The following ATMIN variants were observed in gnomAD, a reference collection of about 807,000 sequenced individuals.
ATMIN encodes the protein ATM INteracting protein.
A neutral mutation model predicts 49.2 loss-of-function variants in ATMIN; 24 were observed. The observed-to-expected ratio is 0.49, with a 90% CI of 0.35 to 0.69. The LOEUF (loss-of-function observed/expected upper bound fraction) is 0.69. Ranked by LOEUF, ATMIN falls within the 30% of genes least tolerant of loss-of-function variation. The pLI is 0.00. For synonymous variants in ATMIN, 450 were observed against 392.5 expected (o/e 1.15, Z -1.73); for missense variants, 1,037 against 1,005.5 (o/e 1.03, Z -0.42).
At position 81,042,326 on chromosome 16, in the gene ATMIN, T is replaced by A; in HGVS notation, c.508T>A (p.Cys170Ser). 1 of 1,614,052 alleles carries A rather than the reference T, an allele frequency of 6.2e-7. No homozygotes were observed. The highest frequency in any genetic ancestry group is 8.5e-7 in the Non-Finnish European group (1 of 1,180,018). Residue 170 changes from cysteine (C) to serine (S), a missense_variant, in exon 3 of 4, where the codon TGC becomes AGC. Physicochemically the swap from Cys to Ser is moderately radical, Grantham distance 112. Transcript: ENST00000299575. ...HAEKKHKCSKCSNSYGTEWDL... is the reference protein window; with the variant it reads ...HAEKKHKCSKSSNSYGTEWDL... The stretch of plus-strand genomic sequence containing the variant: ...TGAGAAGAAGCACAAATGTAGTAAG[T>A]GCAGCAATTCGTACGGTACAGAATG...
chr16:81,041,209 T>C, intron 1 of ATMIN, 147 bp from the exon 2 acceptor site: 1 of 845,772 alleles, frequency 1.2e-6, no homozygotes, highest in Non-Finnish European at 1.8e-6. Flanking sequence ...ACTCATACTC[T>C]TTTTCTCTTA....
chr16:81,036,618 G>A (rs949633106), intron 1 of ATMIN, among the ~76,000 whole-genome samples: 3 of 152,172 alleles, frequency 2.0e-5, no homozygotes, highest in Admixed American at 6.5e-5. Context: ...GCTTTAAACC[G>A]GGGCCTCTGG....
chr16:81,046,689 CACG>C lies in ATMIN; in HGVS notation c.*1722_*1724del, dbSNP rs1971127746. ...ACACACACACACACACACACACACA[CACG>C]ACATGCTCCTTTCTGTGGCACATGC... On this transcript the variant is annotated 3_prime_UTR_variant, in exon 4 of 4. Coordinates refer to ENST00000299575, the MANE Select transcript of ATMIN (RefSeq NM_015251.3). The C allele has an allele frequency of 6.6e-6, 1 of 151,784 alleles. No individual in the cohort carries two copies. The highest frequency in any genetic ancestry group is 2.4e-5 in the African/African-American group (1 of 41,238). The allele number at this position is 151,784 out of a possible 1,614,324, so 9.4% of individuals were successfully genotyped here.
intron 1 of ATMIN, chr16:81,037,418 G>A: frequency 1.7e-5 from 17 of 985,368 alleles, no homozygotes; most frequent in Non-Finnish European, 1.8e-5. Flanking sequence ...CATCTAAACC[G>A]GGATGCAACA....
chr16:81,045,146 G>C lies in ATMIN; in HGVS notation c.*176G>C, dbSNP rs1971097963. Reference sequence around the variant, plus strand: ...AACAGAAATTTGCGTATAAATGTGAGTGTATTATAAAGTTTGAGATGTTGA... The same window carrying C: ...AACAGAAATTTGCGTATAAATGTGACTGTATTATAAAGTTTGAGATGTTGA... On this transcript the variant is annotated 3_prime_UTR_variant, in exon 4 of 4. Transcript: ENST00000299575. 3 of 827,240 alleles carry C rather than the reference G, an allele frequency of 3.6e-6. No individual in the cohort carries two copies. The highest frequency in any genetic ancestry group is 5.4e-6 in the Non-Finnish European group (3 of 558,084). 51.2% of individuals were successfully genotyped at this position (827,240 alleles called of 1,614,324 possible).
chr16:81,042,605 A>G (rs1399266154), intron 3 of ATMIN, 125 bp downstream of exon 3: 1 of 1,046,158 alleles, frequency 9.6e-7, no homozygotes, highest in African/African-American at 1.6e-5. Context: ...ACGTGGAAGA[A>G]GGAAGCTTTT....
At position 81,045,227 on chromosome 16, in the gene ATMIN, TTA is replaced by T; in HGVS notation, c.*258_*259del. ...CCTTTTCACAGCTAGTCTTTTCATG[TTA>T]AAAAAAAAAATGTATTTCATATCTA... On this transcript the variant is annotated 3_prime_UTR_variant, in exon 4 of 4. Coordinates refer to ENST00000299575, the MANE Select transcript of ATMIN (RefSeq NM_015251.3). 2 of 349,628 alleles carry T rather than the reference TTA, an allele frequency of 5.7e-6. No homozygotes were observed. Among genetic ancestry groups the T allele is most frequent in the Non-Finnish European group, 9.5e-6 (2 of 209,632 alleles). 21.7% of individuals were successfully genotyped at this position (349,628 alleles called of 1,614,324 possible). A position where few individuals can be genotyped will look rare whatever the true frequency, so the allele number is the denominator to read the frequency against.
Position 81,044,496 on chromosome 16 carries a change from G to A in ATMIN, c.1998G>A (p.Glu666=). 1 of 1,614,140 alleles carries A rather than the reference G, an allele frequency of 6.2e-7. No individual in the cohort carries two copies. Among genetic ancestry groups the A allele is most frequent in the East Asian group, 2.2e-5 (1 of 44,866 alleles). Reference sequence around the variant, plus strand: ...CCATGACCACCGAGCCAGTCTTGGAGTCACTGGACATAGAGACTCAAACGG... The same window carrying A: ...CCATGACCACCGAGCCAGTCTTGGAATCACTGGACATAGAGACTCAAACGG... ...LSTMTTEPVL[E]SLDIETQTDF... Residue 666 remains glutamate, a synonymous_variant, in exon 4 of 4, where the codon GAG becomes GAA. Transcript: ENST00000299575.
At chr16:81,037,084 TC>T in intron 1 of ATMIN, 1 of 718,978 alleles carries the variant, frequency 1.4e-6, no homozygotes, top group South Asian at 6.3e-5. Flanking sequence ...TTGGGACACA[TC>T]TGTGACAAGC....
At chr16:81,041,607 C>T in intron 2 of ATMIN, 126 bp downstream of exon 2, 1 of 1,275,498 alleles carries the variant, frequency 7.8e-7, no homozygotes, top group East Asian at 2.4e-5. Context: ...GCGTGTCTCC[C>T]AGTTGGTATA....
At chr16:81,040,330 T>G (rs1971016886) in intron 1 of ATMIN, among the ~76,000 whole-genome samples, 1 of 150,322 alleles carries the variant, frequency 6.7e-6, no homozygotes. Flanking sequence ...TGGGTGGGGG[T>G]GGGAGGAGGC....
In ATMIN at chr16:81,044,578, T is replaced by G; in HGVS notation, c.2080T>G (p.Phe694Val). ...QSYGCRGNSNFLGLEMFDTQT... is the reference protein window; with the variant it reads ...QSYGCRGNSNVLGLEMFDTQT... ...CTATGGGTGTAGGGGAAATTCTAAC[T>G]TCTTAGGCCTTGAGATGTTTGACAC... Residue 694 changes from phenylalanine (F) to valine (V), a missense_variant, in exon 4 of 4, where the codon TTC becomes GTC. By Grantham distance (50) the Phe-to-Val change is conservative. Transcript: ENST00000299575. 6.2e-7 allele frequency: 1 copy of G among 1,614,086 alleles called. No homozygotes were observed. The highest frequency in any genetic ancestry group is 1.1e-5 in the South Asian group (1 of 91,076).
At chr16:81,043,064 T>C in intron 3 of ATMIN, 97 bp from the exon 4 acceptor site, 4 of 1,419,074 alleles carry the variant, frequency 2.8e-6, no homozygotes, top group Non-Finnish European at 3.8e-6. Context: ...ACCTCTGCTA[T>C]AGATGGGGGA....
At position 81,045,084 on chromosome 16, in the gene ATMIN, T is replaced by G; in HGVS notation, c.*114T>G. 2 of 1,371,548 alleles carry G rather than the reference T, an allele frequency of 1.5e-6. No individual in the cohort carries two copies. The highest frequency in any genetic ancestry group is 2.0e-6 in the Non-Finnish European group (2 of 1,016,664). The allele number at this position is 1,371,548 out of a possible 1,614,324, so 85.0% of individuals were successfully genotyped here. A position where few individuals can be genotyped will look rare whatever the true frequency, so the allele number is the denominator to read the frequency against. ...TGAATGTGGCTGATGATGCAGTTGC[T>G]TAGCTTCTTTGTGTTTCTTTGCCTT... On this transcript the variant is annotated 3_prime_UTR_variant, in exon 4 of 4. Transcript: ENST00000299575.
rs1273316766 is a variant in ATMIN at position 81,046,781 on chromosome 16, T to C, written c.*1811T>C. On this transcript the variant is annotated 3_prime_UTR_variant, in exon 4 of 4. Coordinates refer to ENST00000299575, the MANE Select transcript of ATMIN (RefSeq NM_015251.3). ...GGGACTAATGATTCATTAAAGTAAA[T>C]TGATGGTTTTGCTACTAATTCCTAT... 1.3e-5 allele frequency: 2 copies of C among 152,484 alleles called. No individual in the cohort carries two copies. The highest frequency in any genetic ancestry group is 1.3e-4 in the Admixed American group (2 of 15,268). The allele number at this position is 152,484 out of a possible 1,614,324, so 9.4% of individuals were successfully genotyped here.
At position 81,041,403 on chromosome 16, in the gene ATMIN, G is replaced by C; in HGVS notation, c.384G>C (p.Pro128=). 1 of 1,613,798 alleles carries C rather than the reference G, an allele frequency of 6.2e-7. No homozygotes were observed. Reference sequence around the variant, plus strand: ...TAAGAAAAGATTTGAAAACTGGACCGAAATTCTACTGCTGTCCAATTGAAG... The same window carrying C: ...TAAGAAAAGATTTGAAAACTGGACCCAAATTCTACTGCTGTCCAATTGAAG... The part of the protein sequence containing the change: ...PTIRKDLKTG[P]KFYCCPIEGC... The change falls in exon 2 of 4, where the codon CCG becomes CCC. Residue 128 remains proline, a synonymous_variant. Transcript: ENST00000299575.
At position 81,045,202 on chromosome 16, in the gene ATMIN, C is replaced by A; in HGVS notation, c.*232C>A. 1.9e-6 allele frequency: 1 copy of A among 513,552 alleles called. No homozygotes were observed. Among genetic ancestry groups the A allele is most frequent in the Non-Finnish European group, 3.3e-6 (1 of 304,574 alleles). The allele number at this position is 513,552 out of a possible 1,614,324, so 31.8% of individuals were successfully genotyped here. A position where few individuals can be genotyped will look rare whatever the true frequency, so the allele number is the denominator to read the frequency against. ...ATTGTTTTTGTGTTGCCTACATTTG[C>A]CTTTTCACAGCTAGTCTTTTCATGT... On this transcript the variant is annotated 3_prime_UTR_variant, in exon 4 of 4. Coordinates refer to ENST00000299575, the MANE Select transcript of ATMIN (RefSeq NM_015251.3).
At position 81,046,619 on chromosome 16, in the gene ATMIN, C is replaced by G. The variant is rs868422728; in HGVS notation, c.*1649C>G. On this transcript the variant is annotated 3_prime_UTR_variant, in exon 4 of 4. Transcript: ENST00000299575. ...GGATTCTTAATTGTTGGCTAAGTTC[C>G]AGTCAAGTAGGAATCAGTGCAGCCT... 1 of 151,466 alleles carries G rather than the reference C, an allele frequency of 6.6e-6. No homozygotes were observed. The highest frequency in any genetic ancestry group is 1.5e-5 in the Non-Finnish European group (1 of 67,974). The allele number at this position is 151,466 out of a possible 1,614,324, so 9.4% of individuals were successfully genotyped here.
intron 2 of ATMIN, 99 bp from the exon 3 acceptor site, chr16:81,042,182 A>T: frequency 4.0e-6 from 4 of 1,003,828 alleles, no homozygotes; most frequent in East Asian, 2.4e-5. Flanking sequence ...TATTTATATT[A>T]ATAGTGTAAA....
Sources: gnomAD v4.1 joint callset for allele counts (sites outside exome capture counted in the v4.1 genomes callset) on GRCh38, gnomAD v4.1.1 for gene constraint, MANE v1.5 for transcripts, NCBI Gene and HGNC (gene_info 2026-07-23, HGNC 2026-07-21) for gene names.